MYO9A: variants seen among roughly 807,000 people sequenced by gnomAD.
MYO9A encodes the protein myosin IXA, also known as unconventional myosin-IXa.
A neutral mutation model predicts 293.3 loss-of-function variants in MYO9A; 103 were observed. That is an observed-to-expected ratio of 0.35 (90% CI 0.30 to 0.41). The LOEUF is 0.41. Ranked by LOEUF, MYO9A falls within the 10% of genes least tolerant of loss-of-function variation. The pLI, the probability that MYO9A is intolerant of heterozygous loss-of-function variation, is 1.00. For missense variants in MYO9A, 2,685 were observed against 3,033.0 expected, an observed-to-expected ratio of 0.89 and a Z score of 2.69; for synonymous variants, 1,001 against 1,035.7, an observed-to-expected ratio of 0.97 and a Z score of 0.64.
intron 39 of MYO9A, among the ~76,000 whole-genome samples, chr15:71,838,592 C>CAATT (rs775638233): frequency 3.9e-5 from 6 of 152,236 alleles, no homozygotes; most frequent in African/African-American, 9.6e-5. Flanking sequence ...ATATCAAATA[C>CAATT]AATTATCTTG....
intron 1 of MYO9A, among the ~76,000 whole-genome samples, chr15:72,075,507 A>G (rs887484537): frequency 7.9e-5 from 12 of 151,958 alleles, no homozygotes; most frequent in African/African-American, 2.4e-4. Flanking sequence ...AATTTGGGGG[A>G]AAAAGAGCCA....
chr15:71,882,190 TTCTTCCGAGGACC>T (rs2056892053), intron 28 of MYO9A, among the ~76,000 whole-genome samples: 1 of 152,178 alleles, frequency 6.6e-6, no homozygotes, highest in East Asian at 1.9e-4. Context: ...GCCTTAAGCT[TTCTTCCGAGGACC>T]TCTTTCTATT....
At chr15:71,954,633 CAT>C (rs1336533139) in intron 14 of MYO9A, among the ~76,000 whole-genome samples, 2 of 152,222 alleles carry the variant, frequency 1.3e-5, no homozygotes, top group Non-Finnish European at 2.9e-5. Flanking sequence ...ACCCCATACT[CAT>C]ATATGGTGCA....
At chr15:72,103,861 T>C (rs1250994136) in intron 1 of MYO9A, among the ~76,000 whole-genome samples, 1 of 152,180 alleles carries the variant, frequency 6.6e-6, no homozygotes, top group Non-Finnish European at 1.5e-5. Context: ...CTACCTCCAC[T>C]GAGGGGGGAT....
chr15:72,016,988 C>CA (rs1217102938), intron 6 of MYO9A, among the ~76,000 whole-genome samples: 1 of 134,924 alleles, frequency 7.4e-6, no homozygotes, highest in East Asian at 2.3e-4. Flanking sequence ...TATGTTAGGT[C>CA]ATTCTGCTTC....
At chr15:72,059,642 G>C (rs1201205938) in intron 1 of MYO9A, among the ~76,000 whole-genome samples, 1 of 152,112 alleles carries the variant, frequency 6.6e-6, no homozygotes. Flanking sequence ...TTTTTAGTGA[G>C]GCTTTCTGAA....
At chr15:72,087,726 C>G (rs2079785697) in intron 1 of MYO9A, among the ~76,000 whole-genome samples, 1 of 152,200 alleles carries the variant, frequency 6.6e-6, no homozygotes, top group Admixed American at 6.5e-5. Flanking sequence ...TTCCACCTGG[C>G]TGTGTCTAGT....
At chr15:71,855,783 A>T (rs114356522) in intron 34 of MYO9A, among the ~76,000 whole-genome samples, 1,919 of 152,194 alleles carry the variant, frequency 0.013, 56 homozygotes, top group Admixed American at 0.058. Context: ...TTTTCCCCAT[A>T]TTCATATGTC....
At chr15:71,888,270 AAACTCT>A (rs2057078512) in intron 26 of MYO9A, 154 bp from the exon 27 acceptor site, 2 of 445,698 alleles carry the variant, frequency 4.5e-6, no homozygotes, top group Non-Finnish European at 7.9e-6. Flanking sequence ...AGCCTACTGA[AAACTCT>A]ATATAAAGTA....
intron 18 of MYO9A, among the ~76,000 whole-genome samples, chr15:71,922,920 G>A (rs2058191919): frequency 6.6e-6 from 1 of 151,552 alleles, no homozygotes; most frequent in African/African-American, 2.4e-5. Context: ...CCAGTACTAT[G>A]TTGAATAGAG....
At chr15:72,085,505 C>A (rs2150470996) in intron 1 of MYO9A, among the ~76,000 whole-genome samples, 1 of 151,774 alleles carries the variant, frequency 6.6e-6, no homozygotes, top group South Asian at 2.1e-4. Context: ...ATGGCTATTT[C>A]ATCTGTCAGC....
chr15:71,826,396 C>T lies in MYO9A; in HGVS notation c.*184G>A. On this transcript the variant is annotated 3_prime_UTR_variant, in exon 42 of 42. Coordinates refer to ENST00000356056, the MANE Select transcript of MYO9A (RefSeq NM_006901.4). ...AGCCAAGGCACAGCTGGCACCATCC[C>T]CAGCAGGCTTTCTGCTTCTGCAGGA... 1.7e-6 allele frequency: 1 copy of T among 592,828 alleles called. No individual in the cohort carries two copies. The highest frequency in any genetic ancestry group is 3.0e-5 in the East Asian group (1 of 33,824). The allele number at this position is 592,828 out of a possible 1,614,324, so 36.7% of individuals were successfully genotyped here.
intron 8 of MYO9A, among the ~76,000 whole-genome samples, chr15:72,002,832 G>C (rs1319120833): frequency 6.6e-6 from 1 of 152,144 alleles, no homozygotes; most frequent in Non-Finnish European, 1.5e-5. Context: ...GGGGCTGTAA[G>C]GGTTGATTAT....
chr15:72,025,152 A>T (rs2077624217), intron 4 of MYO9A, among the ~76,000 whole-genome samples: 1 of 152,172 alleles, frequency 6.6e-6, no homozygotes, highest in African/African-American at 2.4e-5. Flanking sequence ...GTTACCATGC[A>T]AGCAATATCC....
chr15:71,956,330 A>ATATAT (rs1555490831), intron 14 of MYO9A, among the ~76,000 whole-genome samples: 4,953 of 73,808 alleles, frequency 0.067, 164 homozygotes, highest in Non-Finnish European at 0.089. Flanking sequence ...AAAAAAAAAA[A>ATATAT]ATATATATAT....
At chr15:71,843,361 G>A (rs755191761) in intron 39 of MYO9A, among the ~76,000 whole-genome samples, 12 of 152,262 alleles carry the variant, frequency 7.9e-5, no homozygotes, top group South Asian at 6.2e-4. Flanking sequence ...CCGGGGAGGC[G>A]GAGGTTGCAG....
chr15:72,077,077 C>T (rs1172024106), intron 1 of MYO9A, among the ~76,000 whole-genome samples: 2 of 150,466 alleles, frequency 1.3e-5, no homozygotes, highest in Non-Finnish European at 3.0e-5. Context: ...CAAAAATTAA[C>T]TCAAAATGGA....
intron 18 of MYO9A, among the ~76,000 whole-genome samples, chr15:71,924,142 A>C (rs1367564583): frequency 6.6e-6 from 1 of 152,082 alleles, no homozygotes; most frequent in Admixed American, 6.5e-5. Context: ...AACTATTTGC[A>C]TATAGTTTCT....
At position 71,915,771 on chromosome 15, in the gene MYO9A, T is replaced by C. The variant is rs140484993; in HGVS notation, c.2685+599A>G. Among the ~76,000 whole-genome samples, 114 of 152,238 alleles carry C rather than the reference T, an allele frequency of 7.5e-4. 1 individual carries two copies. Among genetic ancestry groups the C allele is most frequent in the Middle Eastern group, 3.4e-3 (1 of 294 alleles). On this transcript the variant is annotated intron_variant, in intron 19 of 41. Coordinates refer to ENST00000356056, the MANE Select transcript of MYO9A (RefSeq NM_006901.4). The stretch of plus-strand genomic sequence containing the variant: ...CAAAGCATTTGTTACCTACCAGATA[T>C]TTTGCTTACTTTCATAAATATCTAC...
Sources: gnomAD v4.1 joint callset for allele counts (sites outside exome capture counted in the v4.1 genomes callset) on GRCh38, gnomAD v4.1.1 for gene constraint, MANE v1.5 for transcripts, NCBI Gene and HGNC (gene_info 2026-07-23, HGNC 2026-07-21) for gene names.